Variants in UBASH3B observed in about 807,000 individuals in gnomAD.
UBASH3B encodes the protein ubiquitin-associated and SH3 domain-containing protein B.
In UBASH3B, 37 loss-of-function variants were observed where a neutral mutation model predicts 83.4. The observed-to-expected ratio is 0.44, with a 90% CI of 0.34 to 0.58. The LOEUF is 0.58. Among genes scored for constraint, UBASH3B ranks in the 20% least tolerant of loss-of-function variants. The probability of loss-of-function intolerance (pLI) is 0.01; values close to 1 mark genes in which losing one functional copy is unlikely to be tolerated. For synonymous variants in UBASH3B, 304 were observed against 318.3 expected (o/e 0.96, Z 0.48); for missense variants, 657 against 827.2 (o/e 0.79, Z 2.52).
intron 8 of UBASH3B, 79 bp from the exon 9 acceptor site, chr11:122,796,832 G>A (rs1469838576): frequency 1.9e-6 from 3 of 1,597,614 alleles, no homozygotes; most frequent in Non-Finnish European, 2.6e-6. Flanking sequence ...AATGGGGGTG[G>A]AGAGTGTCAG....
Position 122,806,343 on chromosome 11 carries a change from G to A in UBASH3B, c.1596-67G>A, listed in dbSNP as rs960030537. The A allele has an allele frequency of 3.8e-5, 51 of 1,340,436 alleles. No homozygotes were observed. Among genetic ancestry groups the A allele is most frequent in the Non-Finnish European group, 5.2e-5 (50 of 960,872 alleles). 83.0% of individuals were successfully genotyped at this position (1,340,436 alleles called of 1,614,324 possible). On this transcript the variant is annotated intron_variant, in intron 11 of 13. Transcript: ENST00000284273. This position sits in a 1 kb window ranked among gnomAD's most constrained non-coding sequence, Gnocchi z 4.0. ...AGAAATGCCTTGAAATAAAAGTTTA[G>A]AGTGATATCTTCCTTTGTCTCAAGA... is the stretch of plus-strand genomic sequence containing the variant.
At chr11:122,765,659 C>A (rs1860523460) in intron 1 of UBASH3B, among the ~76,000 whole-genome samples, 1 of 152,172 alleles carries the variant, frequency 6.6e-6, no homozygotes, top group East Asian at 1.9e-4. Context: ...ATTAACCACT[C>A]TGGCAACCAC....
intron 1 of UBASH3B, among the ~76,000 whole-genome samples, chr11:122,707,248 T>G (rs1864132332): frequency 6.6e-6 from 1 of 152,174 alleles, no homozygotes; most frequent in South Asian, 2.1e-4. Flanking sequence ...TTGGAAGCCA[T>G]TAGGCAATGA....
intron 1 of UBASH3B, chr11:122,774,108 G>A: frequency 2.0e-6 from 2 of 985,256 alleles, no homozygotes; most frequent in Non-Finnish European, 2.4e-6. Context: ...TAAGTCGTGA[G>A]GAAACAGACA....
intron 1 of UBASH3B, among the ~76,000 whole-genome samples, chr11:122,705,656 A>G (rs1380172069): frequency 2.0e-5 from 3 of 151,914 alleles, no homozygotes; most frequent in Non-Finnish European, 2.9e-5. Context: ...TACCGTCACA[A>G]ATGTGCTTGT....
At chr11:122,720,645 T>C (rs191756514) in intron 1 of UBASH3B, among the ~76,000 whole-genome samples, 21 of 152,332 alleles carry the variant, frequency 1.4e-4, no homozygotes, top group Admixed American at 6.5e-4. Flanking sequence ...GTCTATTCTT[T>C]GTTCCTTGAA....
intron 1 of UBASH3B, among the ~76,000 whole-genome samples, chr11:122,687,381 G>T (rs2135915080): frequency 6.6e-6 from 1 of 152,290 alleles, no homozygotes; most frequent in African/African-American, 2.4e-5. Flanking sequence ...CTGATGAAAT[G>T]ACTTGCCCTT....
intron 1 of UBASH3B, among the ~76,000 whole-genome samples, chr11:122,704,283 A>G (rs1467524701): frequency 6.6e-6 from 1 of 152,216 alleles, no homozygotes; most frequent in Non-Finnish European, 1.5e-5. Flanking sequence ...GAAGAAGTTC[A>G]CATTTCTCAG....
chr11:122,723,560 T>G (rs1182471914), intron 1 of UBASH3B, among the ~76,000 whole-genome samples: 1 of 152,070 alleles, frequency 6.6e-6, no homozygotes, highest in Admixed American at 6.6e-5. Flanking sequence ...TTGGAGAAGG[T>G]GGTGGAAAGG....
chr11:122,677,472 G>A (rs7113132), intron 1 of UBASH3B, among the ~76,000 whole-genome samples: 23,731 of 152,060 alleles, frequency 0.16, 2,000 homozygotes, highest in African/African-American at 0.21. Context: ...AACATTGTAC[G>A]TACCTGATGC....
rs781429595 is a variant in UBASH3B at position 122,799,024 on chromosome 11, T to G, written c.1440T>G (p.Asn480Lys). The G allele has an allele frequency of 1.9e-6, 3 of 1,613,976 alleles. No individual in the cohort carries two copies. Among genetic ancestry groups the G allele is most frequent in the Admixed American group, 1.7e-5 (1 of 60,020 alleles). Residue 480 changes from asparagine to lysine, a missense_variant, in exon 10 of 14, where the codon AAT becomes AAG. Asn to Lys is a moderately conservative substitution (Grantham distance 94). Transcript: ENST00000284273. ...TTCGCTGCGTTCAGACTGCACACAA[T>G]ATCTTGAAAGGTAAGACTTGCAGGT... ...PSLRCVQTAH[N>K]ILKGLQQENH...
chr11:122,660,393 TTCCCTGTTTTAAGGGTTCTAAAAA>T (rs774472211), intron 1 of UBASH3B, among the ~76,000 whole-genome samples: 37 of 152,172 alleles, frequency 2.4e-4, no homozygotes, highest in Non-Finnish European at 3.4e-4. Flanking sequence ...CCACTAGCAC[TTCCCTGTTTTAAGGGTTCTAAAAA>T]TAAGGGTCCA....
chr11:122,722,837 C>G (rs780771601), intron 1 of UBASH3B, among the ~76,000 whole-genome samples: 6 of 151,978 alleles, frequency 3.9e-5, no homozygotes, highest in African/African-American at 9.7e-5. Flanking sequence ...TCCCGAGTAG[C>G]TGGGACTACA....
chr11:122,682,070 C>T (rs1285757059), intron 1 of UBASH3B, among the ~76,000 whole-genome samples: 1 of 152,182 alleles, frequency 6.6e-6, no homozygotes, highest in Non-Finnish European at 1.5e-5. Context: ...GAATCATCTG[C>T]CCATGTACAG....
intron 6 of UBASH3B, among the ~76,000 whole-genome samples, chr11:122,791,267 TTAAACGA>T (rs1861048919): frequency 6.6e-6 from 1 of 152,326 alleles, no homozygotes; most frequent in African/African-American, 2.4e-5. Flanking sequence ...AGTCTTGGAT[TTAAACGA>T]TAACTCTCCC....
intron 1 of UBASH3B, among the ~76,000 whole-genome samples, chr11:122,751,140 T>G (rs1358802885): frequency 6.6e-6 from 1 of 152,214 alleles, no homozygotes; most frequent in African/African-American, 2.4e-5. Flanking sequence ...GTGCATAATT[T>G]ATTGCAGTGC....
Position 122,655,894 on chromosome 11 carries a change from C to A in UBASH3B, c.-156C>A, listed in dbSNP as rs986449836. 7.4e-6 allele frequency: 6 copies of A among 815,734 alleles called. No homozygotes were observed. The Admixed American group carries it at 1.9e-4, about 25-fold the overall frequency. 50.5% of individuals were successfully genotyped at this position (815,734 alleles called of 1,614,324 possible). A position where few individuals can be genotyped will look rare whatever the true frequency, so the allele number is the denominator to read the frequency against. On this transcript the variant is annotated 5_prime_UTR_variant, in exon 1 of 14. Transcript: ENST00000284273. ...GCCTCACCAGGAAGCGTCAGAGTCC[C>A]GACACTGGGGAAGCTCGGAGCGCCG... is the stretch of plus-strand genomic sequence containing the variant.
intron 1 of UBASH3B, among the ~76,000 whole-genome samples, chr11:122,663,280 C>G (rs1300541783): frequency 1.3e-5 from 2 of 152,142 alleles, no homozygotes; most frequent in South Asian, 4.1e-4. Context: ...CCTGGCCTTA[C>G]GCCAGAATTT....
chr11:122,706,516 A>G (rs1433757611), intron 1 of UBASH3B, among the ~76,000 whole-genome samples: 1 of 152,092 alleles, frequency 6.6e-6, no homozygotes, highest in Non-Finnish European at 1.5e-5. Context: ...TACATTCTGC[A>G]TTTTACTCCA....
Sources: gnomAD v4.1 joint callset for allele counts (sites outside exome capture counted in the v4.1 genomes callset) on GRCh38, gnomAD v4.1.1 for gene constraint, Gnocchi (gnomAD v3.1) non-coding constraint, MANE v1.5 for transcripts, NCBI Gene and HGNC (gene_info 2026-07-23, HGNC 2026-07-21) for gene names.